ASIC1: variants seen among roughly 807,000 people sequenced by gnomAD.
ASIC1 encodes acid-sensing ion channel 1.
A neutral mutation model predicts 63.4 loss-of-function variants in ASIC1; 21 were observed. The ratio of observed to expected loss-of-function variants is 0.33; its 90% CI spans 0.23 to 0.48. The LOEUF is 0.48. Among genes scored for constraint, ASIC1 ranks in the 20% least tolerant of loss-of-function variants. The pLI is 0.99. For missense variants in ASIC1, 478 were observed against 695.5 expected (o/e 0.69, Z 3.52); for synonymous variants, 258 against 278.2 (o/e 0.93, Z 0.72).
chr12:50,070,170 G>A (rs1489930907), intron 3 of ASIC1, among the ~76,000 whole-genome samples: 2 of 152,204 alleles, frequency 1.3e-5, no homozygotes, highest in Non-Finnish European at 2.9e-5. Flanking sequence ...GAGGGTTCAG[G>A]ACTGAGTGCA....
chr12:50,080,551 T>C lies in ASIC1; in HGVS notation c.1259T>C (p.Ile420Thr). The C allele has an allele frequency of 6.2e-7, 1 of 1,614,170 alleles. No homozygotes were observed. The highest frequency in any genetic ancestry group is 8.5e-7 in the Non-Finnish European group (1 of 1,180,020). Residue 420 changes from isoleucine (I) to threonine (T), a missense_variant, in exon 9 of 12, where the codon ATT (isoleucine) becomes ACT (threonine). By Grantham distance (89) the Ile-to-Thr change is moderately conservative. Transcript: ENST00000447966. ...IFFEVLNYETIEQKKAYEIAG... is the reference protein window; with the variant it reads ...IFFEVLNYETTEQKKAYEIAG... Reference sequence around the variant, plus strand: ...TTTGAAGTCCTCAACTATGAGACCATTGAACAGAAGAAGGCCTATGAGATT... The same window carrying C: ...TTTGAAGTCCTCAACTATGAGACCACTGAACAGAAGAAGGCCTATGAGATT...
chr12:50,076,575 C>G (rs994861897), intron 3 of ASIC1, among the ~76,000 whole-genome samples: 1 of 151,950 alleles, frequency 6.6e-6, no homozygotes, highest in African/African-American at 2.4e-5. Flanking sequence ...GAGCTTGGGC[C>G]TGAGGAAAGT....
In ASIC1 at chr12:50,059,828, C is replaced by G; in HGVS notation, c.432C>G (p.Phe144Leu). ...AGATACTGCAGGACAAAGCCAACTT[C>G]CGCAGCTTCAAACCCAAACCCTTCA... ...QLEILQDKAN[F>L]RSFKPKPFNM... The change falls in exon 3 of 12, where the codon TTC becomes TTG. Residue 144 changes from phenylalanine (F) to leucine (L), a missense_variant. By Grantham distance (22) the Phe-to-Leu change is conservative. This residue lies in a region of ASIC1 where 290 missense variants were observed against 414.9 expected (regional missense o/e 0.70). Coordinates refer to ENST00000447966, the MANE Select transcript of ASIC1 (RefSeq NM_001095.4). The surrounding 1 kb of genome is among the most constrained non-coding windows in gnomAD (Gnocchi z 4.6). The G allele has an allele frequency of 6.2e-7, 1 of 1,614,198 alleles. No individual in the cohort carries two copies. Among genetic ancestry groups the G allele is most frequent in the Non-Finnish European group, 8.5e-7 (1 of 1,180,024 alleles).
At position 50,078,226 on chromosome 12, in the gene ASIC1, C is replaced by T. The variant is rs1950678061; in HGVS notation, c.837+99C>T. 2 of 1,538,338 alleles carry T rather than the reference C, an allele frequency of 1.3e-6. No individual in the cohort carries two copies. Among genetic ancestry groups the T allele is most frequent in the Middle Eastern group, 1.8e-4 (1 of 5,604 alleles). ...ATGGGAAGGACAGGTGAGCAAGGAC[C>T]TGGGTGGTAATCTGGCTAGTCAGAA... is the stretch of plus-strand genomic sequence containing the variant. On this transcript the variant is annotated intron_variant, in intron 5 of 11. Coordinates refer to ENST00000447966, the MANE Select transcript of ASIC1 (RefSeq NM_001095.4). This position sits in a 1 kb window ranked among gnomAD's most constrained non-coding sequence, Gnocchi z 6.0.
chr12:50,062,545 C>G (rs971676730), intron 3 of ASIC1, among the ~76,000 whole-genome samples: 2 of 152,210 alleles, frequency 1.3e-5, no homozygotes, highest in Non-Finnish European at 2.9e-5. Context: ...CTGCTGGGCC[C>G]CATCCAACAG....
intron 3 of ASIC1, among the ~76,000 whole-genome samples, chr12:50,075,526 G>A (rs1182613502): frequency 2.6e-5 from 4 of 152,236 alleles, no homozygotes; most frequent in Non-Finnish European, 4.4e-5. Flanking sequence ...CCTGGTCATG[G>A]GGCTGGGGAC....
chr12:50,081,347 G>A lies in ASIC1; in HGVS notation c.1465G>A (p.Asp489Asn). 1.2e-6 allele frequency: 2 copies of A among 1,606,542 alleles called. No homozygotes were observed. The highest frequency in any genetic ancestry group is 1.7e-6 in the Non-Finnish European group (2 of 1,176,620). ...SADKGVALSL[D>N]DVKRHNPCES... is the part of the protein sequence containing the mutation. ...GGACAAGGGCGTGGCCCTCAGCCTG[G>A]ACGACGTCAAAAGACACGTGAGGGA... Residue 489 changes from aspartate to asparagine, a missense_variant, in exon 11 of 12, where the codon GAC (aspartate) becomes AAC (asparagine). Physicochemically the swap from Asp to Asn is conservative, Grantham distance 23. Coordinates refer to ENST00000447966, the MANE Select transcript of ASIC1 (RefSeq NM_001095.4).
intron 3 of ASIC1, among the ~76,000 whole-genome samples, chr12:50,075,882 A>G (rs2137839371): frequency 6.6e-6 from 1 of 152,298 alleles, no homozygotes; most frequent in African/African-American, 2.4e-5. Context: ...TTCTCTTTGC[A>G]GCTTTTTAAT....
At position 50,059,957 on chromosome 12, in the gene ASIC1, G is replaced by A. The variant is rs140908785; in HGVS notation, c.558+3G>A. ...GCAGCGCTGAAGACTTCAAGGTGGTGAGTCCCCTCGTGTGGGGTGTGAGTC... is the reference window on the plus strand; with the variant it reads ...GCAGCGCTGAAGACTTCAAGGTGGTAAGTCCCCTCGTGTGGGGTGTGAGTC... On this transcript the variant is annotated splice_donor_region_variant and intron_variant, in intron 3 of 11. Transcript: ENST00000447966. The surrounding 1 kb of genome is among the most constrained non-coding windows in gnomAD (Gnocchi z 4.6). 1,844 of 1,613,244 alleles carry A rather than the reference G, an allele frequency of 1.1e-3. 11 individuals carry two copies. In the African/African-American group the frequency reaches 0.021, roughly 19 times the overall value.
intron 3 of ASIC1, chr12:50,076,800 A>C (rs1288441278): frequency 5.4e-6 from 2 of 368,980 alleles, no homozygotes; most frequent in Non-Finnish European, 1.1e-5. Flanking sequence ...AGAAGCACAA[A>C]AGAAGACAGT....
chr12:50,059,704 G>A lies in ASIC1; in HGVS notation c.363-55G>A. 1.3e-6 allele frequency: 2 copies of A among 1,564,964 alleles called. No individual in the cohort carries two copies. The highest frequency in any genetic ancestry group is 8.7e-7 in the Non-Finnish European group (1 of 1,151,310). ...AGGCTGCCCCCATCACCCAAGTTGG[G>A]TGCAGGACACTGATGACTGTACTGA... On this transcript the variant is annotated intron_variant, in intron 2 of 11. Transcript: ENST00000447966. The surrounding 1 kb of genome is among the most constrained non-coding windows in gnomAD (Gnocchi z 4.6).
intron 3 of ASIC1, chr12:50,073,465 C>T: frequency 7.0e-7 from 1 of 1,427,602 alleles, no homozygotes; most frequent in South Asian, 1.6e-5. Flanking sequence ...GCTGAGATAC[C>T]TGGCTGACGG....
chr12:50,058,879 G>C lies in ASIC1; in HGVS notation c.113G>C (p.Arg38Pro). The C allele has an allele frequency of 6.2e-7, 1 of 1,614,074 alleles. No individual in the cohort carries two copies. Among genetic ancestry groups the C allele is most frequent in the Non-Finnish European group, 8.5e-7 (1 of 1,180,016 alleles). ...HGLAHIFSYERLSLKRALWAL... is the reference protein window; with the variant it reads ...HGLAHIFSYEPLSLKRALWAL... ...CTGGCCCACATCTTCTCCTACGAGC[G>C]GCTGTCTCTGAAGCGGGCACTGTGG... The change falls in exon 2 of 12, where the codon CGG becomes CCG. Residue 38 changes from arginine to proline, a missense_variant. Around this residue, in one of 3 missense-constraint regions of ASIC1, gnomAD observed 290 missense variants for 414.9 expected, o/e 0.70. Coordinates refer to ENST00000447966, the MANE Select transcript of ASIC1 (RefSeq NM_001095.4).
intron 3 of ASIC1, chr12:50,073,986 G>A (rs706793): frequency 0.38 from 584,168 of 1,535,362 alleles, 117,820 homozygotes; most frequent in Non-Finnish European, 0.41. Flanking sequence ...TGGCCTTCCC[G>A]GCAGTCACCC....
At chr12:50,080,120 T>C in intron 8 of ASIC1, 65 bp downstream of exon 8, 1 of 1,544,700 alleles carries the variant, frequency 6.5e-7, no homozygotes, top group Non-Finnish European at 8.7e-7. Context: ...TGAGTGGGGT[T>C]TGATGGGGGC....
In ASIC1 at chr12:50,077,335, C is replaced by T. The variant is rs201565651; in HGVS notation, c.681C>T (p.Asp227=). 3.1e-6 allele frequency: 5 copies of T among 1,614,190 alleles called. No homozygotes were observed. The highest frequency in any genetic ancestry group is 4.5e-5 in the East Asian group (2 of 44,874). The stretch of plus-strand genomic sequence containing the variant: ...AAATCATGCTGGACATCCAGCAGGA[C>T]GAGTACCTGCCTGTGTGGGGGGAGA... ...GLEIMLDIQQ[D]EYLPVWGETD... The change falls in exon 4 of 12, where the codon GAC becomes GAT. Residue 227 remains aspartate, a synonymous_variant. Coordinates refer to ENST00000447966, the MANE Select transcript of ASIC1 (RefSeq NM_001095.4).
At chr12:50,064,196 G>A (rs1395548227) in intron 3 of ASIC1, among the ~76,000 whole-genome samples, 3 of 152,048 alleles carry the variant, frequency 2.0e-5, no homozygotes, top group Non-Finnish European at 4.4e-5. Flanking sequence ...CTGCCCTAGG[G>A]GTTCATGGCT....
At chr12:50,062,902 G>A (rs1950513055) in intron 3 of ASIC1, among the ~76,000 whole-genome samples, 1 of 152,176 alleles carries the variant, frequency 6.6e-6, no homozygotes, top group African/African-American at 2.4e-5. Context: ...AGCTTGGGAG[G>A]GTGGGGGTGA....
intron 3 of ASIC1, among the ~76,000 whole-genome samples, chr12:50,076,032 C>G (rs978127055): frequency 5.9e-5 from 9 of 152,182 alleles, no homozygotes; most frequent in Non-Finnish European, 8.8e-5. Context: ...GGGGCTCAGT[C>G]CCAAGTGCTG....
Sources: gnomAD v4.1 joint callset for allele counts (sites outside exome capture counted in the v4.1 genomes callset) on GRCh38, gnomAD v4.1.1 for gene constraint, gnomAD v4.1.1 regional missense constraint, Gnocchi (gnomAD v3.1) non-coding constraint, MANE v1.5 for transcripts, NCBI Gene and HGNC (gene_info 2026-07-23, HGNC 2026-07-21) for gene names.